The following REC114 variants were observed in gnomAD, a reference collection of about 807,000 sequenced individuals.
REC114 encodes the protein meiotic recombination protein REC114.
A neutral mutation model predicts 31.3 loss-of-function variants in REC114; 27 were observed. The ratio of observed to expected loss-of-function variants is 0.86; its 90% confidence interval spans 0.64 to 1.19. The LOEUF is 1.19. Among genes scored for constraint, REC114 ranks in the 50% most tolerant of loss-of-function variants. The pLI is 0.00. For missense variants in REC114, 344 were observed against 326.9 expected (o/e 1.05, Z -0.40); for synonymous variants, 134 against 127.7 (o/e 1.05, Z -0.33).
chr15:73,540,709 A>G (rs758283702), intron 3 of REC114, 141 bp downstream of exon 3: 16 of 751,772 alleles, frequency 2.1e-5, no homozygotes, highest in Non-Finnish European at 3.4e-5. Flanking sequence ...TGAGAAAAAC[A>G]TGAAACAAGG....
chr15:73,501,436 TCAGCAG>T (rs924018204), intron 2 of REC114, among the ~76,000 whole-genome samples: 1 of 152,102 alleles, frequency 6.6e-6, no homozygotes, highest in Non-Finnish European at 1.5e-5. Flanking sequence ...TCCAGTTTTA[TCAGCAG>T]CAGCAGCAGC....
intron 2 of REC114, among the ~76,000 whole-genome samples, chr15:73,510,998 G>C (rs984643274): frequency 3.9e-4 from 60 of 152,056 alleles, no homozygotes; most frequent in African/African-American, 1.4e-3. Context: ...GTATTGATTG[G>C]AATAGTTTCA....
At chr15:73,443,478 T>C (rs1305474438) in intron 1 of REC114, 134 bp downstream of exon 1, 1 of 1,064,614 alleles carries the variant, frequency 9.4e-7, no homozygotes, top group African/African-American at 1.6e-5. Context: ...TGTTGGGGAA[T>C]GGACAGGCCG....
At chr15:73,532,596 C>T (rs1894100847) in intron 2 of REC114, among the ~76,000 whole-genome samples, 1 of 151,834 alleles carries the variant, frequency 6.6e-6, no homozygotes, top group Non-Finnish European at 1.5e-5. Context: ...TTTACAGTCC[C>T]ACCAACAGTG....
chr15:73,465,726 C>T lies in REC114; in HGVS notation c.160-8106C>T, dbSNP rs571127857. 3.4e-4 allele frequency among the ~76,000 whole-genome samples: 52 copies of T among 152,166 alleles called. 1 individual carries two copies. Among genetic ancestry groups the T allele is most frequent in the Middle Eastern group, 6.8e-3 (2 of 294 alleles). ...AAGTTAAATGAAAAATATTATGCAG[C>T]GGACATTCTCTCTTACTGAGTTTTG... On this transcript the variant is annotated intron_variant, in intron 1 of 5. Coordinates refer to ENST00000331090, the MANE Select transcript of REC114 (RefSeq NM_001042367.2).
At chr15:73,493,807 C>G (rs372442411) in intron 2 of REC114, among the ~76,000 whole-genome samples, 1 of 152,200 alleles carries the variant, frequency 6.6e-6, no homozygotes, top group Non-Finnish European at 1.5e-5. Flanking sequence ...ATTCATCCAC[C>G]CTTCTGGTAT....
chr15:73,448,171 G>A (rs777528522), intron 1 of REC114, among the ~76,000 whole-genome samples: 5 of 152,114 alleles, frequency 3.3e-5, no homozygotes, highest in Non-Finnish European at 7.4e-5. Flanking sequence ...CCTGAAAAGG[G>A]GGCTGAAGCC....
Position 73,443,483 on chromosome 15 carries a change from A to T in REC114, c.159+139A>T, listed in dbSNP as rs1469361129. ...CTGCCAGGCCTGTTGGGGAATGGAC[A>T]GGCCGACAACTAAGATAGGAAATAC... On this transcript the variant is annotated intron_variant, in intron 1 of 5. Coordinates refer to ENST00000331090, the MANE Select transcript of REC114 (RefSeq NM_001042367.2). The T allele has an allele frequency of 3.9e-6, 4 of 1,019,652 alleles. No individual in the cohort carries two copies. In the African/African-American group the frequency reaches 4.9e-5, roughly 12 times the overall value. 63.2% of individuals were successfully genotyped at this position (1,019,652 alleles called of 1,614,324 possible).
At position 73,478,351 on chromosome 15, in the gene REC114, A is replaced by G. The variant is rs1893244970; in HGVS notation, c.249+4430A>G. ...TTTAGTACCATTAATTGAAAAGACT[A>G]GCTTTCTCTCATTGAATTACCTGGG... is the stretch of plus-strand genomic sequence containing the variant. On this transcript the variant is annotated intron_variant, in intron 2 of 5. Coordinates refer to ENST00000331090, the MANE Select transcript of REC114 (RefSeq NM_001042367.2). Among the ~76,000 whole-genome samples, 2 of 151,464 alleles carry G rather than the reference A, an allele frequency of 1.3e-5. 1 individual carries two copies. The highest frequency in any genetic ancestry group is 4.2e-4 in the South Asian group (2 of 4,798).
At chr15:73,546,571 C>T (rs1262274127) in intron 3 of REC114, among the ~76,000 whole-genome samples, 1 of 151,912 alleles carries the variant, frequency 6.6e-6, no homozygotes, top group Non-Finnish European at 1.5e-5. Flanking sequence ...TGTTATAGAA[C>T]AGCAATGTAT....
intron 2 of REC114, among the ~76,000 whole-genome samples, chr15:73,536,460 G>A (rs1393003833): frequency 6.6e-6 from 1 of 152,212 alleles, no homozygotes; most frequent in African/African-American, 2.4e-5. Context: ...TGTGGTAGGA[G>A]CTCAGTGATG....
At chr15:73,524,883 G>A (rs2141321769) in intron 2 of REC114, among the ~76,000 whole-genome samples, 1 of 152,354 alleles carries the variant, frequency 6.6e-6, no homozygotes, top group East Asian at 1.9e-4. Flanking sequence ...ACAGGCATGA[G>A]CCACTGTGCC....
intron 1 of REC114, among the ~76,000 whole-genome samples, chr15:73,464,454 A>G (rs1474372327): frequency 6.6e-6 from 1 of 151,808 alleles, no homozygotes; most frequent in East Asian, 1.9e-4. Flanking sequence ...GTTGTTCTTC[A>G]TTGCTTTAGC....
At chr15:73,455,718 A>T (rs1000569173) in intron 1 of REC114, among the ~76,000 whole-genome samples, 1 of 152,186 alleles carries the variant, frequency 6.6e-6, no homozygotes, top group East Asian at 1.9e-4. Flanking sequence ...AGATAAACAC[A>T]ATTCGGAAGC....
At chr15:73,551,201 C>A (rs1331301830) in intron 4 of REC114, 51 bp downstream of exon 4, 3 of 1,481,566 alleles carry the variant, frequency 2.0e-6, no homozygotes, top group South Asian at 1.2e-5. Flanking sequence ...ATGCAGTGCA[C>A]AATGAGTGGC....
intron 1 of REC114, among the ~76,000 whole-genome samples, chr15:73,459,509 G>GGCATGAGCCACC (rs1892961454): frequency 6.6e-6 from 1 of 152,092 alleles, no homozygotes; most frequent in African/African-American, 2.4e-5. Flanking sequence ...TGGGATTACA[G>GGCATGAGCCACC]GCATGAGCCA....
intron 1 of REC114, among the ~76,000 whole-genome samples, chr15:73,452,222 T>A (rs754389015): frequency 1.3e-5 from 2 of 152,200 alleles, no homozygotes; most frequent in Non-Finnish European, 2.9e-5. Flanking sequence ...CATGGTTGTA[T>A]ATTTAGAAAA....
intron 2 of REC114, among the ~76,000 whole-genome samples, chr15:73,536,605 C>T (rs1230567882): frequency 6.6e-6 from 1 of 152,058 alleles, no homozygotes; most frequent in Non-Finnish European, 1.5e-5. Context: ...GATGGATAAG[C>T]CTTAAAAGAG....
At chr15:73,541,396 C>A (rs769227014) in intron 3 of REC114, among the ~76,000 whole-genome samples, 9 of 152,086 alleles carry the variant, frequency 5.9e-5, no homozygotes, top group Non-Finnish European at 4.4e-5. Context: ...CTCATCACTA[C>A]CTCAAAATTA....
Sources: allele counts gnomAD v4.1 joint callset (sites outside exome capture counted in the v4.1 genomes callset), GRCh38; gene constraint gnomAD v4.1.1; transcripts MANE v1.5; gene names NCBI Gene and HGNC (gene_info 2026-07-23, HGNC 2026-07-21).